Variants in SHROOM2 observed in about 807,000 individuals in gnomAD.
SHROOM2 encodes the protein shroom family member 2, also known as protein Shroom2.
Under a neutral mutation model 75.9 loss-of-function variants are expected in SHROOM2, and 33 were observed. That is an observed-to-expected ratio of 0.43 (90% CI 0.33 to 0.58). The LOEUF is 0.58. Among genes scored for constraint, SHROOM2 ranks in the 20% least tolerant of loss-of-function variants. The pLI is 0.04. For synonymous variants in SHROOM2, 655 were observed against 663.6 expected (o/e 0.99, Z 0.20); for missense variants, 1,434 against 1,461.2 (o/e 0.98, Z 0.30).
intron 2 of SHROOM2, among the ~76,000 whole-genome samples, chrX:9,879,462 T>C (rs894510849): frequency 2.7e-5 from 3 of 111,328 alleles, no homozygotes; most frequent in African/African-American, 9.8e-5. Flanking sequence ...GGTTGCGCCA[T>C]GTTGGCCAGG....
At chrX:9,886,574 C>T (rs2084262045) in intron 2 of SHROOM2, among the ~76,000 whole-genome samples, 2 of 111,845 alleles carry the variant, frequency 1.8e-5, no homozygotes, top group Non-Finnish European at 3.8e-5. Context: ...AACAGAGGCT[C>T]TATATGCATT....
chrX:9,905,376 A>G (rs1011000174), intron 5 of SHROOM2, among the ~76,000 whole-genome samples: 4 of 113,067 alleles, frequency 3.5e-5, no homozygotes, highest in African/African-American at 1.3e-4. Flanking sequence ...TGTGTCTTTT[A>G]AATCTGCACA....
chrX:9,944,852 G>A lies in SHROOM2; in HGVS notation c.4523G>A (p.Arg1508His), dbSNP rs760200009. The A allele has an allele frequency of 2.5e-6, 3 of 1,211,073 alleles. No homozygotes were observed. The highest frequency in any genetic ancestry group is 3.0e-5 in the East Asian group (1 of 33,837). Residue 1508 changes from arginine (R) to histidine (H), a missense_variant, in exon 9 of 10, where the codon CGC becomes CAC. This residue lies in a region of SHROOM2 where 14 missense variants were observed against 34.5 expected (regional missense o/e 0.41). Coordinates refer to ENST00000380913, the MANE Select transcript of SHROOM2 (RefSeq NM_001649.4). ...VVNLLLSLSGRLARVENALNN... is the reference protein window; with the variant it reads ...VVNLLLSLSGHLARVENALNN... ...AACCTCCTGCTGTCGCTGTCAGGCC[G>A]CCTGGCCCGGGTGGAGAATGCCCTC...
intron 5 of SHROOM2, among the ~76,000 whole-genome samples, chrX:9,930,671 C>G (rs2094021831): frequency 8.9e-6 from 1 of 111,769 alleles, no homozygotes; most frequent in Non-Finnish European, 1.9e-5. Flanking sequence ...ATTTTAATGT[C>G]ATTCTGTGTT....
chrX:9,867,118 T>G (rs56885168), intron 1 of SHROOM2, among the ~76,000 whole-genome samples: 2 of 111,772 alleles, frequency 1.8e-5, no homozygotes, highest in African/African-American at 3.2e-5. Context: ...ATCAACAACT[T>G]TGTTCCATAA....
At chrX:9,793,784 G>A (rs1232030916) in intron 1 of SHROOM2, among the ~76,000 whole-genome samples, 17 of 107,240 alleles carry the variant, frequency 1.6e-4, no homozygotes, top group African/African-American at 5.8e-4. Context: ...TTGCTCTCTT[G>A]CTCAAGCTGG....
chrX:9,858,756 G>A (rs1158575896), intron 1 of SHROOM2, among the ~76,000 whole-genome samples: 1 of 111,879 alleles, frequency 8.9e-6, no homozygotes, highest in Non-Finnish European at 1.9e-5. Context: ...AGTGAGCTGA[G>A]ACCGCGCCAC....
In SHROOM2 at chrX:9,894,187, T is replaced by G. The variant is rs562742484; in HGVS notation, c.450-171T>G. Among the ~76,000 whole-genome samples, 8 of 111,481 alleles carry G rather than the reference T, an allele frequency of 7.2e-5. No individual in the cohort carries two copies. The South Asian group carries it at 1.9e-3, about 26-fold the overall frequency. On this transcript the variant is annotated intron_variant, in intron 3 of 9. Coordinates refer to ENST00000380913, the MANE Select transcript of SHROOM2 (RefSeq NM_001649.4). ...GTGCCCAGTTTCTCCGTGTCTCTACTAAAATCCAGATGTGCTGAGCTGCAA... is the reference window on the plus strand; with the variant it reads ...GTGCCCAGTTTCTCCGTGTCTCTACGAAAATCCAGATGTGCTGAGCTGCAA...
chrX:9,821,912 G>A (rs975044049), intron 1 of SHROOM2, among the ~76,000 whole-genome samples: 8 of 111,766 alleles, frequency 7.2e-5, no homozygotes, highest in African/African-American at 1.3e-4. Context: ...CTGTAAAGAG[G>A]TAAATTTTAT....
At chrX:9,897,111 ATGACC>A (rs1390483960) in intron 4 of SHROOM2, among the ~76,000 whole-genome samples, 7 of 112,249 alleles carry the variant, frequency 6.2e-5, no homozygotes, top group Non-Finnish European at 1.3e-4. Flanking sequence ...ACACTGATGG[ATGACC>A]TTTAATATTT....
intron 9 of SHROOM2, among the ~76,000 whole-genome samples, chrX:9,946,381 A>T (rs1569181910): frequency 8.9e-6 from 1 of 112,700 alleles, no homozygotes; most frequent in East Asian, 2.8e-4. Flanking sequence ...TCTTCTGCTC[A>T]CCATTCGAGG....
chrX:9,923,736 G>A (rs969979823), intron 5 of SHROOM2, among the ~76,000 whole-genome samples: 2 of 109,254 alleles, frequency 1.8e-5, no homozygotes, highest in African/African-American at 3.6e-5. Flanking sequence ...CTCAGGGTCC[G>A]ATACTTGAGG....
intron 1 of SHROOM2, among the ~76,000 whole-genome samples, chrX:9,815,829 C>A (rs1264735345): frequency 9.0e-6 from 1 of 111,167 alleles, no homozygotes; most frequent in East Asian, 2.8e-4. Flanking sequence ...TTGCTGACAG[C>A]TGATTAGATT....
At position 9,896,160 on chromosome X, in the gene SHROOM2, G is replaced by A. The variant is rs764109931; in HGVS notation, c.2252G>A (p.Arg751Gln). The change falls in exon 4 of 10, where the codon CGG becomes CAG. Residue 751 changes from arginine (R) to glutamine (Q), a missense_variant. Around this residue, in one of 3 missense-constraint regions of SHROOM2, gnomAD observed 1,340 missense variants for 1,338.3 expected, o/e 1.00. Coordinates refer to ENST00000380913, the MANE Select transcript of SHROOM2 (RefSeq NM_001649.4). ...CCCCACCCGCCCCGCATCGGAGGCCGGAGACGGTTCACAGCTGAGCAGAAA... is the reference window on the plus strand; with the variant it reads ...CCCCACCCGCCCCGCATCGGAGGCCAGAGACGGTTCACAGCTGAGCAGAAA... ...GGPHPPRIGG[R>Q]RRFTAEQKLK... 14 of 1,209,264 alleles carry A rather than the reference G, an allele frequency of 1.2e-5. No individual in the cohort carries two copies. Among genetic ancestry groups the A allele is most frequent in the East Asian group, 3.0e-5 (1 of 33,759 alleles).
chrX:9,904,678 G>A (rs1446009944), intron 5 of SHROOM2, among the ~76,000 whole-genome samples: 3 of 112,403 alleles, frequency 2.7e-5, no homozygotes, highest in Non-Finnish European at 1.9e-5. Context: ...CCTTGGCTGC[G>A]TTCGCATGTT....
chrX:9,837,144 C>T (rs760419547), intron 1 of SHROOM2, among the ~76,000 whole-genome samples: 4 of 112,514 alleles, frequency 3.6e-5, no homozygotes, highest in South Asian at 3.7e-4. Context: ...ATTGCTTTCC[C>T]GTGCCACCCT....
chrX:9,873,598 G>T lies in SHROOM2; in HGVS notation c.166-54G>T, dbSNP rs2084182519. 40 of 1,191,270 alleles carry T rather than the reference G, an allele frequency of 3.4e-5. 1 individual carries two copies. The South Asian group carries it at 7.0e-4, about 21-fold the overall frequency. Reference sequence around the variant, plus strand: ...CTGCTGCGTTCCGAGGACCTGCTCTGCCTCAGGAATTGCTGCTCGTGGAAG... The same window carrying T: ...CTGCTGCGTTCCGAGGACCTGCTCTTCCTCAGGAATTGCTGCTCGTGGAAG... On this transcript the variant is annotated intron_variant, in intron 1 of 9. Transcript: ENST00000380913.
intron 1 of SHROOM2, among the ~76,000 whole-genome samples, chrX:9,824,435 G>A (rs1172671622): frequency 3.6e-5 from 4 of 111,136 alleles, no homozygotes; most frequent in East Asian, 2.8e-4. Context: ...CCGAAACTCC[G>A]TCTCAAAAAT....
intron 1 of SHROOM2, among the ~76,000 whole-genome samples, chrX:9,871,350 G>A (rs1157714349): frequency 8.9e-6 from 1 of 111,918 alleles, no homozygotes; most frequent in African/African-American, 3.3e-5. Flanking sequence ...ATCCTCCTGA[G>A]GCACAGCCCT....
Sources: allele counts gnomAD v4.1 joint callset (sites outside exome capture counted in the v4.1 genomes callset), GRCh38; gene constraint gnomAD v4.1.1; regional missense constraint gnomAD v4.1.1; transcripts MANE v1.5; gene names NCBI Gene and HGNC (gene_info 2026-07-23, HGNC 2026-07-21).